SNCAIP: variants seen among roughly 807,000 people sequenced by gnomAD.
SNCAIP encodes synuclein alpha interacting protein.
SNCAIP carries 43 observed loss-of-function variants against 86.7 expected under a neutral mutation model. The observed-to-expected ratio is 0.50, with a 90% CI of 0.39 to 0.64. The LOEUF (loss-of-function observed/expected upper bound fraction) is 0.64, where lower values mean the gene tolerates loss of function less well. Among genes scored for constraint, SNCAIP ranks in the 30% least tolerant of loss-of-function variants. The pLI is 0.00. For missense variants in SNCAIP, 981 were observed against 1,103.1 expected (o/e 0.89, Z 1.57); for synonymous variants, 417 against 427.2 (o/e 0.98, Z 0.29).
At chr5:122,457,614 ACT>A (rs896124244) in intron 10 of SNCAIP, among the ~76,000 whole-genome samples, 3 of 145,040 alleles carry the variant, frequency 2.1e-5, no homozygotes, top group African/African-American at 7.7e-5. Context: ...TCTCTCTCTC[ACT>A]CTCTCTCTCT....
At position 122,348,756 on chromosome 5, in the gene SNCAIP, GT is replaced by G. The variant is rs142409029; in HGVS notation, c.-47+36475del. Among the ~76,000 whole-genome samples, 1,140 of 152,160 alleles carry G rather than the reference GT, an allele frequency of 7.5e-3. 30 individuals are homozygous for G. The highest frequency in any genetic ancestry group is 0.032 in the Admixed American group (495 of 15,272). ...ACAAAAATGGATGAGGACATAAGAT[GT>G]TTCACATAAGAACTATGTCAGAATC... On this transcript the variant is annotated intron_variant, in intron 1 of 10. Transcript: ENST00000261368.
chr5:122,347,456 T>C, intron 1 of SNCAIP, among the ~76,000 whole-genome samples: 1 of 150,908 alleles, frequency 6.6e-6, no homozygotes, highest in Admixed American at 6.6e-5. Flanking sequence ...ACTGCAAAGA[T>C]AACAATAGTG....
intron 1 of SNCAIP, among the ~76,000 whole-genome samples, chr5:122,347,396 CTTTT>C (rs72100282): frequency 7.2e-6 from 1 of 139,584 alleles, no homozygotes. Context: ...GATTTCTTTC[CTTTT>C]TTTTTTTTTT....
chr5:122,375,718 C>T (rs543634042), intron 1 of SNCAIP, among the ~76,000 whole-genome samples: 16 of 151,924 alleles, frequency 1.1e-4, no homozygotes, highest in African/African-American at 3.9e-4. Flanking sequence ...CAATGTCTAT[C>T]TCTTGTATAG....
chr5:122,340,187 C>G (rs538173567), intron 1 of SNCAIP, among the ~76,000 whole-genome samples: 4 of 152,026 alleles, frequency 2.6e-5, no homozygotes, highest in African/African-American at 9.6e-5. Context: ...AGTATTTTTT[C>G]CATGTGTTGA....
chr5:122,412,557 A>G (rs979783677), intron 3 of SNCAIP, among the ~76,000 whole-genome samples: 4 of 151,968 alleles, frequency 2.6e-5, no homozygotes, highest in African/African-American at 4.8e-5. Flanking sequence ...CTCCTTCCCA[A>G]TTTGACCTTT....
At chr5:122,460,317 G>A (rs1478370) in intron 10 of SNCAIP, among the ~76,000 whole-genome samples, 34,796 of 151,860 alleles carry the variant, frequency 0.23, 4,144 homozygotes, top group South Asian at 0.3. Context: ...CTAATTTTGC[G>A]TATTGGAAAC....
At chr5:122,411,465 A>G (rs1581080521) in intron 3 of SNCAIP, among the ~76,000 whole-genome samples, 1 of 152,232 alleles carries the variant, frequency 6.6e-6, no homozygotes, top group Non-Finnish European at 1.5e-5. Flanking sequence ...TCCTGAAAGC[A>G]TACCCTTTTG....
At chr5:122,419,496 C>T (rs1207070037) in intron 3 of SNCAIP, among the ~76,000 whole-genome samples, 3 of 152,242 alleles carry the variant, frequency 2.0e-5, no homozygotes, top group East Asian at 3.9e-4. Context: ...AGGTTTAAGG[C>T]TTATTAGGCA....
chr5:122,367,642 A>G (rs915447780), intron 1 of SNCAIP, among the ~76,000 whole-genome samples: 4 of 152,088 alleles, frequency 2.6e-5, no homozygotes, highest in Admixed American at 6.5e-5. Flanking sequence ...TTGCCAAGGA[A>G]CTGCACTTAT....
At chr5:122,330,952 GATC>G (rs1183338629) in intron 1 of SNCAIP, among the ~76,000 whole-genome samples, 1 of 151,694 alleles carries the variant, frequency 6.6e-6, no homozygotes, top group East Asian at 1.9e-4. Flanking sequence ...GACAGTGAGA[GATC>G]ATCAGACATT....
At chr5:122,462,191 A>G (rs2153042066) in intron 10 of SNCAIP, among the ~76,000 whole-genome samples, 1 of 152,274 alleles carries the variant, frequency 6.6e-6, no homozygotes, top group Admixed American at 6.5e-5. Flanking sequence ...CGGTGCTTCT[A>G]ATTCCTGCAT....
intron 2 of SNCAIP, among the ~76,000 whole-genome samples, chr5:122,398,071 A>G (rs1163743387): frequency 6.6e-6 from 1 of 152,126 alleles, no homozygotes; most frequent in Non-Finnish European, 1.5e-5. Context: ...GGAGGAGTAA[A>G]TGCAGAGATG....
chr5:122,329,668 G>A (rs187588514), intron 1 of SNCAIP, among the ~76,000 whole-genome samples: 30 of 152,308 alleles, frequency 2.0e-4, no homozygotes, highest in Non-Finnish European at 3.7e-4. Context: ...AAGATTAGAG[G>A]AGCAGAAACA....
chr5:122,448,199 T>C (rs988941521), intron 8 of SNCAIP, among the ~76,000 whole-genome samples: 7 of 152,200 alleles, frequency 4.6e-5, no homozygotes, highest in Admixed American at 2.0e-4. Context: ...ATTTATGATA[T>C]ATTTGTTTAG....
intron 6 of SNCAIP, chr5:122,437,422 T>C (rs1220194878): frequency 2.0e-5 from 3 of 152,176 alleles, no homozygotes; most frequent in African/African-American, 7.2e-5. Flanking sequence ...TAAATGTCTG[T>C]TGTTAAAAGA....
At chr5:122,393,456 C>G (rs1046585650) in intron 2 of SNCAIP, among the ~76,000 whole-genome samples, 9 of 152,128 alleles carry the variant, frequency 5.9e-5, no homozygotes, top group Admixed American at 2.6e-4. Flanking sequence ...TATTCTGTCT[C>G]CAGAGTATTT....
chr5:122,440,659 A>G lies in SNCAIP; in HGVS notation c.1327A>G (p.Met443Val). Residue 443 changes from methionine to valine, a missense_variant, in exon 7 of 11, where the codon ATG becomes GTG. By Grantham distance (21) the Met-to-Val change is conservative (BLOSUM62 1). Coordinates refer to ENST00000261368, the MANE Select transcript of SNCAIP (RefSeq NM_005460.4). ...EKILLWLLQFMQEQGISLDEV... is the reference protein window; with the variant it reads ...EKILLWLLQFVQEQGISLDEV... ...GATTCTTCTGTGGCTTCTTCAGTTT[A>G]TGCAAGAACAGGGCATCTCGTTGGA... The G allele has an allele frequency of 6.2e-7, 1 of 1,613,932 alleles. No homozygotes were observed. Among genetic ancestry groups the G allele is most frequent in the Non-Finnish European group, 8.5e-7 (1 of 1,179,794 alleles).
At chr5:122,412,602 C>T (rs1295254673) in intron 3 of SNCAIP, among the ~76,000 whole-genome samples, 1 of 151,980 alleles carries the variant, frequency 6.6e-6, no homozygotes, top group Non-Finnish European at 1.5e-5. Flanking sequence ...TTAATAGGAC[C>T]CTCCCTCTGC....
Sources: gnomAD v4.1 joint callset for allele counts (sites outside exome capture counted in the v4.1 genomes callset) on GRCh38, gnomAD v4.1.1 for gene constraint, MANE v1.5 for transcripts, NCBI Gene and HGNC (gene_info 2026-07-23, HGNC 2026-07-21) for gene names.